AGR3: variants seen among roughly 807,000 people sequenced by gnomAD.
AGR3 encodes the protein anterior gradient 3, protein disulphide isomerase family member.
In AGR3, 37 loss-of-function variants were observed where a neutral mutation model predicts 24.5. The observed-to-expected ratio is 1.51, with a 90% CI of 1.16 to 1.99. AGR3 has a LOEUF of 1.99. Among genes scored for constraint, AGR3 ranks in the 30% most tolerant of loss-of-function variants. The pLI, the probability that AGR3 is intolerant of heterozygous loss-of-function variation, is 0.00. For missense variants in AGR3, 228 were observed against 191.1 expected, an observed-to-expected ratio of 1.19 and a Z score of -1.14; for synonymous variants, 75 against 61.6, an observed-to-expected ratio of 1.22 and a Z score of -1.02.
In AGR3 at chr7:16,878,540, C is replaced by T. The variant is rs746862695; in HGVS notation, c.79G>A (p.Glu27Lys). 6.2e-7 allele frequency: 1 copy of T among 1,614,102 alleles called. No homozygotes were observed. Among genetic ancestry groups the T allele is most frequent in the Non-Finnish European group, 8.5e-7 (1 of 1,179,988 alleles). ...GAGAGTGTCTGAGGAGGCCTCTTTTCCTTTTTTATTGCAATGGCAAGGTTG... is the reference window on the plus strand; with the variant it reads ...GAGAGTGTCTGAGGAGGCCTCTTTTTCTTTTTTATTGCAATGGCAAGGTTG... ...SSNLAIAIKK[E>K]KRPPQTLSRG... Residue 27 changes from glutamate to lysine, a missense_variant, in exon 2 of 8, where the codon GAA becomes AAA. By Grantham distance (56) the Glu-to-Lys change is moderately conservative. Transcript: ENST00000310398.
intron 2 of AGR3, among the ~76,000 whole-genome samples, chr7:16,877,234 T>A (rs1188153929): frequency 6.8e-6 from 1 of 147,546 alleles, no homozygotes; most frequent in East Asian, 1.9e-4. Flanking sequence ...TTATAGCATA[T>A]ATTTATATAT....
In AGR3 at chr7:16,859,513, G is replaced by T; in HGVS notation, c.*69C>A. The T allele has an allele frequency of 9.7e-7, 1 of 1,031,388 alleles. No homozygotes were observed. Among genetic ancestry groups the T allele is most frequent in the Non-Finnish European group, 1.4e-6 (1 of 695,102 alleles). The allele number at this position is 1,031,388 out of a possible 1,614,324, so 63.9% of individuals were successfully genotyped here. On this transcript the variant is annotated 3_prime_UTR_variant, in exon 8 of 8. Transcript: ENST00000310398. Reference sequence around the variant, plus strand: ...CTATATACTTGCACATTTAGTATTTGTCAATGTGCCAGAGGTTTTCTTCAT... The same window carrying T: ...CTATATACTTGCACATTTAGTATTTTTCAATGTGCCAGAGGTTTTCTTCAT...
At chr7:16,871,653 G>T (rs1379436988) in intron 3 of AGR3, among the ~76,000 whole-genome samples, 2 of 152,112 alleles carry the variant, frequency 1.3e-5, no homozygotes, top group East Asian at 3.9e-4. Context: ...GACCAGCCTG[G>T]CCAACATGGT....
intron 2 of AGR3, 105 bp from the exon 3 acceptor site, chr7:16,873,948 A>G (rs1781935355): frequency 3.3e-6 from 3 of 908,860 alleles, no homozygotes; most frequent in Non-Finnish European, 3.5e-6. Context: ...TAACTAAGCC[A>G]TCAAGCTGTT....
At chr7:16,855,603 G>A (rs1050793846), downstream of AGR3, among the ~76,000 whole-genome samples, 1 of 152,140 alleles carries the variant, frequency 6.6e-6, no homozygotes, top group Non-Finnish European at 1.5e-5. Context: ...TGGGGACAGG[G>A]ACTTTCTGCT....
At chr7:16,879,018 C>T (rs1386665895) in intron 1 of AGR3, among the ~76,000 whole-genome samples, 1 of 152,176 alleles carries the variant, frequency 6.6e-6, no homozygotes, top group Non-Finnish European at 1.5e-5. Flanking sequence ...TGACTTTTAG[C>T]ATGCAGAAAT....
At chr7:16,855,140 A>G (rs73080182), downstream of AGR3, among the ~76,000 whole-genome samples, 43,324 of 152,022 alleles carry the variant, frequency 0.28, 6,450 homozygotes, top group South Asian at 0.39. Context: ...GGAACGTTCA[A>G]TATCTTCTAG....
At chr7:16,857,500 T>C (rs1405239283), downstream of AGR3, among the ~76,000 whole-genome samples, 1 of 152,176 alleles carries the variant, frequency 6.6e-6, no homozygotes, top group African/African-American at 2.4e-5. Context: ...AACATGTTGT[T>C]CCTCTGAACT....
At chr7:16,859,733 G>T in intron 7 of AGR3, 102 bp from the exon 8 acceptor site, 1 of 693,586 alleles carries the variant, frequency 1.4e-6, no homozygotes, top group Admixed American at 3.0e-5. Context: ...TAAATTAATA[G>T]CTTTGAACAT....
chr7:16,867,046 C>G (rs1429272184), intron 3 of AGR3, among the ~76,000 whole-genome samples: 1 of 152,090 alleles, frequency 6.6e-6, no homozygotes, highest in Non-Finnish European at 1.5e-5. Flanking sequence ...AAATTAGAGG[C>G]TTTATTTTTG....
intron 3 of AGR3, chr7:16,865,755 G>A: frequency 1.3e-6 from 1 of 754,342 alleles, no homozygotes; most frequent in Non-Finnish European, 2.5e-6. Flanking sequence ...GGAAACATAT[G>A]GAAGCTTGAT....
chr7:16,861,944 G>T (rs781385804), intron 5 of AGR3, 40 bp downstream of exon 5: 163 of 1,260,668 alleles, frequency 1.3e-4, no homozygotes, highest in Non-Finnish European at 1.6e-4. Flanking sequence ...AAATTTCCAT[G>T]AAATTATAGT....
chr7:16,869,553 C>T (rs1045862337), intron 3 of AGR3, among the ~76,000 whole-genome samples: 1 of 152,034 alleles, frequency 6.6e-6, no homozygotes, highest in Non-Finnish European at 1.5e-5. Flanking sequence ...CATGATGAAA[C>T]CCTGTCTCTA....
chr7:16,869,641 C>T lies in AGR3; in HGVS notation c.173+4139G>A, dbSNP rs937526447. Among the ~76,000 whole-genome samples the T allele has an allele frequency of 2.7e-5, 4 of 148,392 alleles. No individual in the cohort carries two copies. The South Asian group carries it at 6.4e-4, about 24-fold the overall frequency. ...ACTTGAAAGGCTGAGGCAGGAGGATCGCTTGAGCCTATAGTTGGGGCTTGT... is the reference window on the plus strand; with the variant it reads ...ACTTGAAAGGCTGAGGCAGGAGGATTGCTTGAGCCTATAGTTGGGGCTTGT... On this transcript the variant is annotated intron_variant, in intron 3 of 7. Coordinates refer to ENST00000310398, the MANE Select transcript of AGR3 (RefSeq NM_176813.5).
chr7:16,875,637 G>T lies in AGR3; in HGVS notation c.110-1794C>A, dbSNP rs74670343. 2.8e-4 allele frequency among the ~76,000 whole-genome samples: 43 copies of T among 152,196 alleles called. 2 individuals are homozygous for T. In the East Asian group the frequency reaches 7.5e-3, roughly 27 times the overall value. ...TGGGTATATACCTAGGAGTGGAACT[G>T]CTGATCAAATGGTCACTCTGTATTT... On this transcript the variant is annotated intron_variant, in intron 2 of 7. Coordinates refer to ENST00000310398, the MANE Select transcript of AGR3 (RefSeq NM_176813.5).
chr7:16,875,047 G>A (rs779239700), intron 2 of AGR3, among the ~76,000 whole-genome samples: 15 of 151,654 alleles, frequency 9.9e-5, no homozygotes, highest in Non-Finnish European at 2.1e-4. Flanking sequence ...ACCTGGGGGT[G>A]GATGTTGCAG....
chr7:16,871,828 A>C (rs1283131000), intron 3 of AGR3, among the ~76,000 whole-genome samples: 1 of 152,096 alleles, frequency 6.6e-6, no homozygotes, highest in Non-Finnish European at 1.5e-5. Context: ...GTGACAGAGC[A>C]AGACTCCATC....
chr7:16,869,246 A>G (rs1408983589), intron 3 of AGR3, among the ~76,000 whole-genome samples: 1 of 152,144 alleles, frequency 6.6e-6, no homozygotes, highest in Non-Finnish European at 1.5e-5. Flanking sequence ...ATATATTTAT[A>G]ATTGTTATAC....
chr7:16,878,557 G>T lies in AGR3; in HGVS notation c.62C>A (p.Ala21Asp). The T allele has an allele frequency of 6.2e-7, 1 of 1,614,110 alleles. No homozygotes were observed. The change falls in exon 2 of 8, where the codon GCC (alanine) becomes GAC (aspartate). Residue 21 changes from alanine (A) to aspartate (D), a missense_variant. By Grantham distance (126) the Ala-to-Asp change is moderately radical. Transcript: ENST00000310398. The part of the protein sequence containing the change: ...LLLVTVSSNL[A>D]IAIKKEKRPP... Reference sequence around the variant, plus strand: ...CCTCTTTTCCTTTTTTATTGCAATGGCAAGGTTGGAAGAAACTGTGACGAG... The same window carrying T: ...CCTCTTTTCCTTTTTTATTGCAATGTCAAGGTTGGAAGAAACTGTGACGAG...
Sources: allele counts gnomAD v4.1 joint callset (sites outside exome capture counted in the v4.1 genomes callset), GRCh38; gene constraint gnomAD v4.1.1; transcripts MANE v1.5; gene names NCBI Gene and HGNC (gene_info 2026-07-23, HGNC 2026-07-21).